Variants in CLPB observed in about 807,000 individuals in gnomAD.
CLPB encodes the protein ClpB family mitochondrial disaggregase.
CLPB carries 40 observed loss-of-function variants against 78.4 expected under a neutral mutation model. The observed-to-expected ratio is 0.51, with a 90% CI of 0.40 to 0.66. CLPB has a LOEUF of 0.66. Ranked by LOEUF, CLPB falls within the 30% of genes least tolerant of loss-of-function variation. CLPB has a pLI of 0.00. For synonymous variants in CLPB, 333 were observed against 348.0 expected, an observed-to-expected ratio of 0.96 and a Z score of 0.48; for missense variants, 780 against 886.9, an observed-to-expected ratio of 0.88 and a Z score of 1.53.
At chr11:72,359,054 G>A (rs750395975) in intron 4 of CLPB, 46 bp from the exon 5 acceptor site, 13 of 1,610,294 alleles carry the variant, frequency 8.1e-6, no homozygotes, top group East Asian at 4.5e-5. Flanking sequence ...ACGACAGCAT[G>A]AGCCACCAAT....
At chr11:72,323,855 A>C (rs1950087160) in intron 6 of CLPB, among the ~76,000 whole-genome samples, 1 of 152,136 alleles carries the variant, frequency 6.6e-6, no homozygotes, top group African/African-American at 2.4e-5. Flanking sequence ...AGGTTCTGTA[A>C]GAAAATGTCA....
chr11:72,287,307 T>C lies in CLPB; in HGVS notation c.*6060A>G, dbSNP rs7127051. The C allele has an allele frequency of 6.6e-6, 1 of 152,176 alleles. No individual in the cohort carries two copies. The highest frequency in any genetic ancestry group is 1.5e-5 in the Non-Finnish European group (1 of 68,036). 9.4% of individuals were successfully genotyped at this position (152,176 alleles called of 1,614,324 possible). The stretch of plus-strand genomic sequence containing the variant: ...TATATTTTTCAATTAAAAAGTTTAA[T>C]TAAAAACAATTTTTTATTTTTGGGA... On this transcript the variant is annotated 3_prime_UTR_variant, in exon 16 of 16. Coordinates refer to ENST00000538039, the MANE Select transcript of CLPB (RefSeq NM_001258392.3).
At chr11:72,333,207 C>T (rs1233672946) in intron 5 of CLPB, among the ~76,000 whole-genome samples, 3 of 152,028 alleles carry the variant, frequency 2.0e-5, no homozygotes, top group Non-Finnish European at 4.4e-5. Flanking sequence ...CACAATATAC[C>T]CCTGATGAAA....
intron 5 of CLPB, among the ~76,000 whole-genome samples, chr11:72,356,008 G>A (rs116146961): frequency 1.3e-5 from 2 of 152,112 alleles, no homozygotes; most frequent in Non-Finnish European, 2.9e-5. Flanking sequence ...GGGGCTGGGC[G>A]CGGTAGCTCA....
chr11:72,432,260 C>G (rs893402852), intron 1 of CLPB, among the ~76,000 whole-genome samples: 2 of 152,224 alleles, frequency 1.3e-5, no homozygotes, highest in African/African-American at 4.8e-5. Flanking sequence ...ATTTACTGAG[C>G]ACCTACTAAG....
chr11:72,380,181 C>A (rs1565473469), intron 4 of CLPB, 100 bp downstream of exon 4: 2 of 863,174 alleles, frequency 2.3e-6, no homozygotes, highest in Non-Finnish European at 3.8e-6. Flanking sequence ...AACATGCAGG[C>A]TGTCACTCTG....
intron 4 of CLPB, among the ~76,000 whole-genome samples, chr11:72,365,137 T>C (rs113971393): frequency 0.043 from 6,526 of 152,118 alleles, 175 homozygotes; most frequent in East Asian, 0.067. Flanking sequence ...CTGGCTAACA[T>C]AGTGAAACCC....
intron 3 of CLPB, among the ~76,000 whole-genome samples, chr11:72,390,590 T>C (rs1206461255): frequency 6.6e-6 from 1 of 152,210 alleles, no homozygotes; most frequent in Non-Finnish European, 1.5e-5. Context: ...CAAGTTCATT[T>C]GTTATTACAG....
intron 2 of CLPB, among the ~76,000 whole-genome samples, chr11:72,413,773 G>A (rs1855945057): frequency 6.6e-6 from 1 of 152,104 alleles, no homozygotes; most frequent in Non-Finnish European, 1.5e-5. Flanking sequence ...AGGCTAGTTT[G>A]TTTGTAGAAT....
rs150351582 is a variant in CLPB, at chr11:72,286,478, CT to C, written c.*6888del. 2 of 151,260 alleles carry C rather than the reference CT, an allele frequency of 1.3e-5. No individual in the cohort carries two copies. The highest frequency in any genetic ancestry group is 6.6e-5 in the Admixed American group (1 of 15,178). 9.4% of individuals were successfully genotyped at this position (151,260 alleles called of 1,614,324 possible). A position where few individuals can be genotyped will look rare whatever the true frequency, so the allele number is the denominator to read the frequency against. On this transcript the variant is annotated 3_prime_UTR_variant, in exon 16 of 16. Transcript: ENST00000538039. ...CCTCAGATTTCCCAAATGTTAACAT[CT>C]TTTTTTTGTTTGTTTTTGAGACAGT...
At chr11:72,427,429 A>G (rs1264614810) in intron 2 of CLPB, among the ~76,000 whole-genome samples, 2 of 152,208 alleles carry the variant, frequency 1.3e-5, no homozygotes, top group East Asian at 3.8e-4. Flanking sequence ...TGTGTAACCT[A>G]CAGTCATGCG....
intron 6 of CLPB, among the ~76,000 whole-genome samples, chr11:72,329,120 C>G (rs1376763380): frequency 6.6e-6 from 1 of 152,198 alleles, no homozygotes; most frequent in Admixed American, 6.5e-5. Context: ...TGAGTTACAG[C>G]TCTGTGGCTG....
intron 11 of CLPB, among the ~76,000 whole-genome samples, chr11:72,297,702 T>G (rs10793026): frequency 1.5e-5 from 2 of 129,658 alleles, no homozygotes; most frequent in Non-Finnish European, 1.7e-5. Context: ...TGTGTGTGTG[T>G]GACATGTCCA....
intron 5 of CLPB, among the ~76,000 whole-genome samples, chr11:72,351,971 C>T (rs1287331158): frequency 6.6e-6 from 1 of 152,136 alleles, no homozygotes; most frequent in Non-Finnish European, 1.5e-5. Flanking sequence ...ACGGACACAC[C>T]CACATAACCA....
rs1949790643 is a variant in CLPB, at chr11:72,308,717, A to ACTCAAAGT, written c.989-121_989-114dup. 9.6e-6 allele frequency: 9 copies of ACTCAAAGT among 933,826 alleles called. No individual in the cohort carries two copies. The Admixed American group carries it at 1.7e-4, about 18-fold the overall frequency. The allele number at this position is 933,826 out of a possible 1,614,324, so 57.8% of individuals were successfully genotyped here. A position where few individuals can be genotyped will look rare whatever the true frequency, so the allele number is the denominator to read the frequency against. On this transcript the variant is annotated intron_variant, in intron 7 of 15. Coordinates refer to ENST00000538039, the MANE Select transcript of CLPB (RefSeq NM_001258392.3). ...CAATATGTTTTACTGCTCTGCGCCC[A>ACTCAAAGT]CTCAAAGTCCTCACTACCATTAGTG...
chr11:72,317,925 G>C (rs183953207), intron 6 of CLPB, among the ~76,000 whole-genome samples: 2 of 152,322 alleles, frequency 1.3e-5, no homozygotes, highest in Middle Eastern at 3.4e-3. Flanking sequence ...TTGGTTGCCC[G>C]CACAGAAGAG....
intron 1 of CLPB, among the ~76,000 whole-genome samples, chr11:72,432,889 C>T (rs1856588078): frequency 6.6e-6 from 1 of 152,180 alleles, no homozygotes; most frequent in Admixed American, 6.5e-5. Context: ...GCTCCAAATT[C>T]TCAGAGCTTG....
At chr11:72,313,696 T>C (rs1949888199) in intron 7 of CLPB, among the ~76,000 whole-genome samples, 1 of 152,186 alleles carries the variant, frequency 6.6e-6, no homozygotes, top group Non-Finnish European at 1.5e-5. Flanking sequence ...AAATGGGTAT[T>C]TGTGGGGTAC....
At chr11:72,331,392 A>G (rs1218995879) in intron 5 of CLPB, among the ~76,000 whole-genome samples, 1 of 149,942 alleles carries the variant, frequency 6.7e-6, no homozygotes, top group East Asian at 2.0e-4. Flanking sequence ...CGACAGAGCG[A>G]GACTCTGTCT....
Sources: allele counts gnomAD v4.1 joint callset (sites outside exome capture counted in the v4.1 genomes callset), GRCh38; gene constraint gnomAD v4.1.1; transcripts MANE v1.5; gene names NCBI Gene and HGNC (gene_info 2026-07-23, HGNC 2026-07-21).